OSMR: variants seen among roughly 807,000 people sequenced by gnomAD.
OSMR encodes the protein oncostatin-M-specific receptor subunit beta.
Under a neutral mutation model 99.9 loss-of-function variants are expected in OSMR, and 81 were observed. The observed-to-expected ratio is 0.81, with a 90% CI of 0.68 to 0.97. The LOEUF (loss-of-function observed/expected upper bound fraction) is 0.97, where lower values mean the gene tolerates loss of function less well. Among genes scored for constraint, OSMR ranks in the 50% least tolerant of loss-of-function variants. The probability of loss-of-function intolerance (pLI) is 0.00; values close to 1 mark genes in which losing one functional copy is unlikely to be tolerated. For missense variants in OSMR, 1,099 were observed against 1,153.4 expected, an observed-to-expected ratio of 0.95 and a Z score of 0.68; for synonymous variants, 406 against 410.4, an observed-to-expected ratio of 0.99 and a Z score of 0.13.
chr5:38,917,530 C>CTTTGGTTAA lies in OSMR; in HGVS notation c.1286-12_1286-4dup, dbSNP rs780880793. 4.3e-6 allele frequency: 7 copies of CTTTGGTTAA among 1,612,364 alleles called. No individual in the cohort carries two copies. The African/African-American group carries it at 9.3e-5, about 22-fold the overall frequency. On this transcript the variant is annotated splice_polypyrimidine_tract_variant and intron_variant, in intron 9 of 17. Transcript: ENST00000274276. ...TACATATTGTGACTCAAGAACTTTT[C>CTTTGGTTAA]TTTGGTTAATTTCAGCTCCCTCAGA... is the stretch of plus-strand genomic sequence containing the variant.
intron 2 of OSMR, 54 bp downstream of exon 2, chr5:38,869,171 T>TC: frequency 7.8e-7 from 1 of 1,274,502 alleles, no homozygotes; most frequent in South Asian, 1.2e-5. Flanking sequence ...ACAAATGAAG[T>TC]CATTGATGCT....
rs1207914167 is a variant in OSMR, at chr5:38,931,951, T to G, written c.2281T>G (p.Leu761Val). 1 of 1,612,896 alleles carries G rather than the reference T, an allele frequency of 6.2e-7. No individual in the cohort carries two copies. Among genetic ancestry groups the G allele is most frequent in the African/African-American group, 1.3e-5 (1 of 74,906 alleles). ...CVLLIMVMCY[L>V]KSQWIKETCY... ...CTTGCTCATCATGGTCATGTGCTAC[T>G]TGAAAAGTCAGTGGTAAGTGTGTGA... is the stretch of plus-strand genomic sequence containing the variant. Residue 761 changes from leucine to valine, a missense_variant, in exon 16 of 18, where the codon TTG (leucine) becomes GTG (valine). By Grantham distance (32) the Leu-to-Val change is conservative. Transcript: ENST00000274276.
intron 9 of OSMR, among the ~76,000 whole-genome samples, chr5:38,910,945 G>T (rs1414300740): frequency 6.6e-6 from 1 of 152,196 alleles, no homozygotes; most frequent in African/African-American, 2.4e-5. Flanking sequence ...GGGAGGTGGA[G>T]GTTGCGGTGA....
intron 9 of OSMR, 68 bp downstream of exon 9, chr5:38,904,571 G>A (rs908968375): frequency 9.4e-6 from 15 of 1,601,624 alleles, no homozygotes; most frequent in East Asian, 4.5e-5. Flanking sequence ...TTCCTTAAGA[G>A]ATTTTGGTTG....
chr5:38,898,457 C>T (rs1215064516), intron 7 of OSMR, among the ~76,000 whole-genome samples: 1 of 152,172 alleles, frequency 6.6e-6, no homozygotes, highest in African/African-American at 2.4e-5. Context: ...GAATATCTTT[C>T]CATCCCTTTA....
rs528511912 is a variant in OSMR at position 38,917,475 on chromosome 5, C to T, written c.1286-71C>T. 8 of 1,592,102 alleles carry T rather than the reference C, an allele frequency of 5.0e-6. No individual in the cohort carries two copies. The East Asian group carries it at 1.6e-4, about 32-fold the overall frequency. On this transcript the variant is annotated intron_variant, in intron 9 of 17. Coordinates refer to ENST00000274276, the MANE Select transcript of OSMR (RefSeq NM_003999.3). ...GGTAATTGTCATGTCCTTGACCGTC[C>T]TAGAAAAAGGTTGAGCATATTGCTT...
In OSMR at chr5:38,923,245, C is replaced by G. The variant is rs768452180; in HGVS notation, c.1861C>G (p.Gln621Glu). ...CLLEKKTGYS[Q>E]ELAPSDNPHV... The stretch of plus-strand genomic sequence containing the variant: ...ATTAGAGAAAAAAACAGGATACTCT[C>G]AGGAACTTGGTAAGTTTAAAGCATG... Residue 621 changes from glutamine (Q) to glutamate (E), a missense_variant, in exon 13 of 18, where the codon CAG (glutamine) becomes GAG (glutamate). Coordinates refer to ENST00000274276, the MANE Select transcript of OSMR (RefSeq NM_003999.3). The G allele has an allele frequency of 8.8e-6, 14 of 1,585,410 alleles. No homozygotes were observed. The highest frequency in any genetic ancestry group is 1.2e-5 in the Non-Finnish European group (14 of 1,154,154).
chr5:38,943,063 C>A, intron 1 of OSMR: 1 of 869,096 alleles, frequency 1.2e-6, no homozygotes, highest in South Asian at 1.6e-5. Context: ...ATAGATTTCC[C>A]TACAGATATG....
intron 7 of OSMR, among the ~76,000 whole-genome samples, chr5:38,893,737 A>C (rs983933394): frequency 1.3e-5 from 2 of 152,214 alleles, no homozygotes; most frequent in Admixed American, 6.5e-5. Context: ...AAAGTAATCA[A>C]TCTGGGAAAC....
intron 7 of OSMR, among the ~76,000 whole-genome samples, chr5:38,902,856 C>T (rs189627617): frequency 6.6e-6 from 1 of 152,250 alleles, no homozygotes; most frequent in African/African-American, 2.4e-5. Context: ...TCTGAATACC[C>T]AGGAAGGAGC....
rs538881164 is a variant in OSMR, at chr5:38,884,107, C to T, written c.699C>T (p.Val233=). The change falls in exon 5 of 18, where the codon GTC becomes GTT. Residue 233 remains valine (V), a synonymous_variant. Coordinates refer to ENST00000274276, the MANE Select transcript of OSMR (RefSeq NM_003999.3). ...SEGMKGIVLF[V]SKVLEEPKDF... is the part of the protein sequence containing the mutation. ...GCATGAAAGGCATCGTTCTTTTTGT[C>T]TCAAGTAAGTGTGCAAATTCTCTGT... 2 of 1,611,576 alleles carry T rather than the reference C, an allele frequency of 1.2e-6. No homozygotes were observed. Among genetic ancestry groups the T allele is most frequent in the South Asian group, 2.2e-5 (2 of 91,004 alleles).
At chr5:38,944,343 C>T (rs1579857341) in intron 2 of OSMR, 2 of 1,175,972 alleles carry the variant, frequency 1.7e-6, no homozygotes, top group East Asian at 4.7e-5. Flanking sequence ...TTTAGAACTA[C>T]TGATGTAAGT....
chr5:38,888,177 AG>A (rs1243961648), intron 7 of OSMR, among the ~76,000 whole-genome samples: 3 of 152,084 alleles, frequency 2.0e-5, no homozygotes, highest in Non-Finnish European at 4.4e-5. Flanking sequence ...CATAGGGCTG[AG>A]GGGATTGGTT....
intron 1 of OSMR, among the ~76,000 whole-genome samples, chr5:38,846,920 G>T (rs1579600013): frequency 6.6e-6 from 1 of 152,158 alleles, no homozygotes; most frequent in African/African-American, 2.4e-5. Flanking sequence ...TTCCTTTCTC[G>T]ATAGTTCTTC....
chr5:38,864,906 T>G (rs1242396298), intron 1 of OSMR, among the ~76,000 whole-genome samples: 1 of 152,236 alleles, frequency 6.6e-6, no homozygotes, highest in Non-Finnish European at 1.5e-5. Context: ...CCATATGTCA[T>G]GTAGGCATTC....
At chr5:38,888,260 G>T (rs533313308) in intron 7 of OSMR, among the ~76,000 whole-genome samples, 2 of 152,190 alleles carry the variant, frequency 1.3e-5, no homozygotes, top group Non-Finnish European at 2.9e-5. Context: ...ATATGCAAAT[G>T]CAGGGCACCT....
intron 14 of OSMR, 52 bp downstream of exon 14, chr5:38,924,647 G>T: frequency 2.9e-6 from 4 of 1,387,374 alleles, no homozygotes; most frequent in Non-Finnish European, 4.1e-6. Flanking sequence ...CTCATTATTT[G>T]AAATCATTTA....
chr5:38,867,024 C>G (rs1283266662), intron 1 of OSMR, among the ~76,000 whole-genome samples: 1 of 152,152 alleles, frequency 6.6e-6, no homozygotes, highest in East Asian at 1.9e-4. Context: ...CTTCGATGCT[C>G]TATTCAACAT....
chr5:38,881,447 G>A (rs1458824285), intron 3 of OSMR, 146 bp from the exon 4 acceptor site: 6 of 1,544,658 alleles, frequency 3.9e-6, no homozygotes, highest in Non-Finnish European at 4.4e-6. Flanking sequence ...AGAACATGGG[G>A]AATTGACTAG....
Sources: allele counts gnomAD v4.1 joint callset (sites outside exome capture counted in the v4.1 genomes callset), GRCh38; gene constraint gnomAD v4.1.1; transcripts MANE v1.5; gene names NCBI Gene and HGNC (gene_info 2026-07-23, HGNC 2026-07-21).